Variants in LTA4H observed in about 807,000 individuals in gnomAD.
LTA4H encodes leukotriene A4 hydrolase, also known as leukotriene A-4 hydrolase.
In LTA4H, 59 loss-of-function variants were observed where a neutral mutation model predicts 89.8. The ratio of observed to expected loss-of-function variants is 0.66; its 90% CI spans 0.53 to 0.82. The LOEUF is 0.82. Among genes scored for constraint, LTA4H ranks in the 40% least tolerant of loss-of-function variants. The pLI is 0.00. For synonymous variants in LTA4H, 227 were observed against 253.1 expected, an observed-to-expected ratio of 0.90 and a Z score of 0.98; for missense variants, 617 against 727.0, an observed-to-expected ratio of 0.85 and a Z score of 1.74.
chr12:96,020,499 G>A (rs1287696562), intron 6 of LTA4H, among the ~76,000 whole-genome samples: 1 of 152,160 alleles, frequency 6.6e-6, no homozygotes, highest in Admixed American at 6.5e-5. Flanking sequence ...AGGAGCTATT[G>A]TTTAATTGGT....
intron 16 of LTA4H, 71 bp from the exon 17 acceptor site, chr12:96,003,991 A>T: frequency 1.3e-6 from 1 of 795,866 alleles, no homozygotes; most frequent in East Asian, 2.7e-5. Context: ...GCTGGAGAGA[A>T]ATGCATAGCC....
At chr12:96,007,217 T>G (rs1197524415) in intron 15 of LTA4H, among the ~76,000 whole-genome samples, 2 of 152,220 alleles carry the variant, frequency 1.3e-5, no homozygotes, top group African/African-American at 2.4e-5. Context: ...ATTTTGCATC[T>G]TCCCCCTCTT....
rs779332002 is a variant in LTA4H at position 96,015,603 on chromosome 12, A to G, written c.1039T>C (p.Trp347Arg). The change falls in exon 11 of 19, where the codon TGG becomes CGG. Residue 347 changes from tryptophan to arginine, a missense_variant. Coordinates refer to ENST00000228740, the MANE Select transcript of LTA4H (RefSeq NM_000895.3). ...TTTACCGAATTCTGTAGTTCTCCCC[A>G]TCCTCCCAGAGCATTAAAATGTCTG... ...KFRHFNALGG[W>R]GELQNSVKTF... The G allele has an allele frequency of 1.9e-6, 3 of 1,613,474 alleles. No homozygotes were observed. In the South Asian group the frequency reaches 3.3e-5, roughly 18 times the overall value.
chr12:96,032,098 T>A (rs920631229), intron 1 of LTA4H, among the ~76,000 whole-genome samples: 2 of 152,208 alleles, frequency 1.3e-5, no homozygotes, highest in African/African-American at 4.8e-5. Context: ...CACTAAAACC[T>A]CTTGAGCCAC....
intron 17 of LTA4H, 143 bp downstream of exon 17, chr12:96,003,695 A>AT (rs201373360): frequency 4.4e-6 from 2 of 455,434 alleles, no homozygotes; most frequent in Non-Finnish European, 7.8e-6. Context: ...AAATACCACT[A>AT]TAAGTATTTA....
In LTA4H at chr12:96,022,662, C is replaced by G. The variant is rs1030075655; in HGVS notation, c.481-411G>C. Among the ~76,000 whole-genome samples, 3 of 152,100 alleles carry G rather than the reference C, an allele frequency of 2.0e-5. No homozygotes were observed. The highest frequency in any genetic ancestry group is 6.6e-5 in the Admixed American group (1 of 15,260). On this transcript the variant is annotated intron_variant, in intron 4 of 18. Transcript: ENST00000228740. This position sits in a 1 kb window ranked among gnomAD's most constrained non-coding sequence, Gnocchi z 4.0. Reference sequence around the variant, plus strand: ...AAATCCCAGCTCTGCCACCTAATAACTAACTGCACAAACTTGGGCAAATAA... The same window carrying G: ...AAATCCCAGCTCTGCCACCTAATAAGTAACTGCACAAACTTGGGCAAATAA...
At chr12:96,035,993 C>G (rs369134254), upstream of LTA4H, among the ~76,000 whole-genome samples, 8 of 152,252 alleles carry the variant, frequency 5.3e-5, no homozygotes, top group East Asian at 9.6e-4. Flanking sequence ...GTAGAAAAGG[C>G]CTATCAGAAG....
chr12:96,025,312 T>C (rs1950501556), intron 3 of LTA4H: 1 of 152,242 alleles, frequency 6.6e-6, no homozygotes, highest in Non-Finnish European at 1.5e-5. Flanking sequence ...CATTTCTCTC[T>C]GGTTTAACAC....
At chr12:96,032,503 A>C (rs575734108) in intron 1 of LTA4H, among the ~76,000 whole-genome samples, 3 of 152,346 alleles carry the variant, frequency 2.0e-5, no homozygotes, top group African/African-American at 7.2e-5. Context: ...GCTGAGATAC[A>C]AAGAGTTATG....
chr12:96,033,726 G>A (rs966692481), intron 1 of LTA4H, among the ~76,000 whole-genome samples: 2 of 152,140 alleles, frequency 1.3e-5, no homozygotes, highest in Non-Finnish European at 2.9e-5. Flanking sequence ...ACCCCCAACA[G>A]GCCCTGGTGT....
upstream of LTA4H, among the ~76,000 whole-genome samples, chr12:96,036,955 G>A (rs900634069): frequency 1.3e-5 from 2 of 152,166 alleles, no homozygotes; most frequent in Non-Finnish European, 2.9e-5. Flanking sequence ...CGGGGCCGGT[G>A]CCACACACTT....
rs1376533070 is a variant in LTA4H at position 96,013,198 on chromosome 12, T to C, written c.1369A>G (p.Ile457Val). Reference protein sequence around the residue: ...AWLYSPGLPPIKPNYDMTLTN... With the variant: ...AWLYSPGLPPVKPNYDMTLTN... ...CAGGCAAGTACTTACTTGGGCTTTA[T>C]GGGAGGCAGTCCAGGAGAGTAGAGC... is the stretch of plus-strand genomic sequence containing the variant. Residue 457 changes from isoleucine to valine, a missense_variant, in exon 14 of 19, where the codon ATA (isoleucine) becomes GTA (valine). By Grantham distance (29) the Ile-to-Val change is conservative (BLOSUM62 3). Around this residue, in one of 3 missense-constraint regions of LTA4H, gnomAD observed 290 missense variants for 339.1 expected, o/e 0.86. Coordinates refer to ENST00000228740, the MANE Select transcript of LTA4H (RefSeq NM_000895.3). 2 of 1,613,332 alleles carry C rather than the reference T, an allele frequency of 1.2e-6. No individual in the cohort carries two copies. Among genetic ancestry groups the C allele is most frequent in the Admixed American group, 3.3e-5 (2 of 59,990 alleles).
chr12:96,036,989 CTG>C (rs996739572), upstream of LTA4H, among the ~76,000 whole-genome samples: 8 of 152,206 alleles, frequency 5.3e-5, no homozygotes, highest in Admixed American at 5.2e-4. Context: ...CCACAAGACA[CTG>C]TGGCGAGGAC....
upstream of LTA4H, among the ~76,000 whole-genome samples, chr12:96,038,634 C>T (rs1457780709): frequency 6.6e-6 from 1 of 151,802 alleles, no homozygotes; most frequent in African/African-American, 2.4e-5. Flanking sequence ...CTGCCTTGGC[C>T]TTCCAAAGTG....
At chr12:96,016,567 C>A (rs911997626) in intron 10 of LTA4H, among the ~76,000 whole-genome samples, 1 of 151,492 alleles carries the variant, frequency 6.6e-6, no homozygotes, top group African/African-American at 2.4e-5. Flanking sequence ...CACCACTGCA[C>A]TACAGCCTGG....
intron 15 of LTA4H, among the ~76,000 whole-genome samples, chr12:96,008,823 G>A (rs1246153654): frequency 3.9e-5 from 6 of 152,154 alleles, no homozygotes; most frequent in African/African-American, 1.4e-4. Flanking sequence ...GGAGGCTGAG[G>A]TGGGACAACT....
At chr12:96,026,124 C>CAG (rs757758708) in intron 3 of LTA4H, among the ~76,000 whole-genome samples, 16 of 152,308 alleles carry the variant, frequency 1.1e-4, no homozygotes, top group Non-Finnish European at 2.4e-4. Flanking sequence ...GTAGGACTAG[C>CAG]AGAGCCACCT....
chr12:96,003,934 A>T lies in LTA4H; in HGVS notation c.1531-14T>A. ...TGGAAGAGGTGCCTAAGAGCAAAATAAAGAAGTATACCGTATCATTTCAAC... is the reference window on the plus strand; with the variant it reads ...TGGAAGAGGTGCCTAAGAGCAAAATTAAGAAGTATACCGTATCATTTCAAC... On this transcript the variant is annotated splice_polypyrimidine_tract_variant and intron_variant, in intron 16 of 18. Coordinates refer to ENST00000228740, the MANE Select transcript of LTA4H (RefSeq NM_000895.3). The T allele has an allele frequency of 6.5e-7, 1 of 1,542,694 alleles. No homozygotes were observed. The highest frequency in any genetic ancestry group is 8.9e-7 in the Non-Finnish European group (1 of 1,119,066).
intron 16 of LTA4H, among the ~76,000 whole-genome samples, chr12:96,004,353 G>A (rs994789986): frequency 1.8e-4 from 28 of 152,076 alleles, no homozygotes; most frequent in African/African-American, 6.3e-4. Context: ...TGAAATCCCT[G>A]TTAAATTATC....
Sources: gnomAD v4.1 joint callset for allele counts (sites outside exome capture counted in the v4.1 genomes callset) on GRCh38, gnomAD v4.1.1 for gene constraint, gnomAD v4.1.1 regional missense constraint, Gnocchi (gnomAD v3.1) non-coding constraint, MANE v1.5 for transcripts, NCBI Gene and HGNC (gene_info 2026-07-23, HGNC 2026-07-21) for gene names.